Variants in FBXL7 observed in about 807,000 individuals in gnomAD.
FBXL7 encodes the protein F-box/LRR-repeat protein 7.
FBXL7 carries 12 observed loss-of-function variants against 38.3 expected under a neutral mutation model. The ratio of observed to expected loss-of-function variants is 0.31; its 90% confidence interval spans 0.20 to 0.51. The LOEUF (loss-of-function observed/expected upper bound fraction) is 0.51. FBXL7 is among the 20% of genes least tolerant of loss of function. FBXL7 has a pLI of 0.98. For missense variants in FBXL7, 567 were observed against 676.4 expected, an observed-to-expected ratio of 0.84 and a Z score of 1.79; for synonymous variants, 297 against 300.9, an observed-to-expected ratio of 0.99 and a Z score of 0.13.
chr5:15,710,079 C>T (rs545710728), intron 2 of FBXL7, among the ~76,000 whole-genome samples: 1 of 152,180 alleles, frequency 6.6e-6, no homozygotes, highest in Admixed American at 6.5e-5. Context: ...CACTCTTGTC[C>T]CTTTTAGCCT....
chr5:15,927,220 A>G (rs1741898259), intron 2 of FBXL7, among the ~76,000 whole-genome samples: 1 of 152,132 alleles, frequency 6.6e-6, no homozygotes, highest in Non-Finnish European at 1.5e-5. Context: ...TGTTTGTGGT[A>G]GCTTTTGCAC....
intron 2 of FBXL7, among the ~76,000 whole-genome samples, chr5:15,714,505 G>A (rs1743978620): frequency 6.7e-6 from 1 of 150,336 alleles, no homozygotes; most frequent in South Asian, 2.1e-4. Flanking sequence ...AGTGTACAAT[G>A]TGGAATACAC....
intron 2 of FBXL7, among the ~76,000 whole-genome samples, chr5:15,826,077 C>G (rs1738302797): frequency 6.6e-6 from 1 of 152,182 alleles, no homozygotes. Flanking sequence ...CGCTAGGTAA[C>G]AGGCACCAGG....
At chr5:15,667,126 G>A (rs1327419242) in intron 2 of FBXL7, among the ~76,000 whole-genome samples, 3 of 152,184 alleles carry the variant, frequency 2.0e-5, no homozygotes, top group African/African-American at 7.2e-5. Context: ...AATATTGGAA[G>A]TTTAGAAAAT....
intron 2 of FBXL7, among the ~76,000 whole-genome samples, chr5:15,639,206 C>A (rs1465073809): frequency 6.6e-6 from 1 of 152,194 alleles, no homozygotes; most frequent in African/African-American, 2.4e-5. Context: ...ATGTTCAAGA[C>A]TGAGCTGGGG....
intron 2 of FBXL7, among the ~76,000 whole-genome samples, chr5:15,746,869 C>T (rs908307949): frequency 5.9e-5 from 9 of 151,856 alleles, no homozygotes; most frequent in Admixed American, 5.3e-4. Flanking sequence ...TAAATACATA[C>T]TAAATACGAG....
chr5:15,567,008 G>A (rs1404934949), intron 1 of FBXL7, among the ~76,000 whole-genome samples: 4 of 152,124 alleles, frequency 2.6e-5, no homozygotes, highest in Non-Finnish European at 4.4e-5. Flanking sequence ...TCAAAGGGAT[G>A]TGCATCTACT....
chr5:15,565,649 C>T (rs1266348659), intron 1 of FBXL7, among the ~76,000 whole-genome samples: 1 of 151,938 alleles, frequency 6.6e-6, no homozygotes, highest in Non-Finnish European at 1.5e-5. Flanking sequence ...CCAATATCTA[C>T]AGTCAGCAAG....
At chr5:15,640,523 TTTTTTTTTG>T (rs2126555168) in intron 2 of FBXL7, among the ~76,000 whole-genome samples, 1 of 138,782 alleles carries the variant, frequency 7.2e-6, no homozygotes, top group East Asian at 2.1e-4. Context: ...TAGGGCTTTG[TTTTTTTTTG>T]TTTTTTTTTT....
At chr5:15,845,330 A>C (rs1738864285) in intron 2 of FBXL7, among the ~76,000 whole-genome samples, 1 of 152,216 alleles carries the variant, frequency 6.6e-6, no homozygotes, top group South Asian at 2.1e-4. Context: ...TGCATTCAAT[A>C]AGTTCCCATT....
At chr5:15,801,926 G>A (rs551760003) in intron 2 of FBXL7, among the ~76,000 whole-genome samples, 15 of 151,992 alleles carry the variant, frequency 9.9e-5, no homozygotes, top group Admixed American at 2.0e-4. Flanking sequence ...CCATTTCATC[G>A]ATGAAATTCA....
chr5:15,574,412 G>A (rs1738891535), intron 1 of FBXL7, among the ~76,000 whole-genome samples: 1 of 152,168 alleles, frequency 6.6e-6, no homozygotes, highest in Non-Finnish European at 1.5e-5. Context: ...TGAAATAAAT[G>A]CAAATCCTAG....
chr5:15,646,612 T>C (rs1462460343), intron 2 of FBXL7, among the ~76,000 whole-genome samples: 1 of 152,248 alleles, frequency 6.6e-6, no homozygotes, highest in Non-Finnish European at 1.5e-5. Flanking sequence ...TTTGGAGCTT[T>C]GGAATTGCTG....
At chr5:15,744,741 A>T (rs1429895844) in intron 2 of FBXL7, among the ~76,000 whole-genome samples, 1 of 152,214 alleles carries the variant, frequency 6.6e-6, no homozygotes, top group Non-Finnish European at 1.5e-5. Context: ...CATACCCAAG[A>T]CTGAGTGCTT....
At chr5:15,775,901 G>A (rs1736845862) in intron 2 of FBXL7, among the ~76,000 whole-genome samples, 1 of 152,098 alleles carries the variant, frequency 6.6e-6, no homozygotes, top group Non-Finnish European at 1.5e-5. Flanking sequence ...GGACCTACAG[G>A]TACAACTATA....
intron 2 of FBXL7, among the ~76,000 whole-genome samples, chr5:15,788,999 C>T (rs1156659368): frequency 3.9e-5 from 6 of 151,900 alleles, no homozygotes; most frequent in Admixed American, 1.3e-4. Flanking sequence ...TACAGGTGCC[C>T]GCCACCGCGC....
At chr5:15,854,330 AT>A (rs1341814423) in intron 2 of FBXL7, among the ~76,000 whole-genome samples, 1 of 152,230 alleles carries the variant, frequency 6.6e-6, no homozygotes, top group African/African-American at 2.4e-5. Flanking sequence ...GTGAAAAAAA[AT>A]CAAATTCCAA....
At chr5:15,539,039 A>T (rs1737664601) in intron 1 of FBXL7, among the ~76,000 whole-genome samples, 1 of 152,232 alleles carries the variant, frequency 6.6e-6, no homozygotes, top group Admixed American at 6.5e-5. Flanking sequence ...TAGCTTACAG[A>T]ACTAAAATGA....
intron 1 of FBXL7, among the ~76,000 whole-genome samples, chr5:15,573,558 A>G (rs1412767071): frequency 1.3e-5 from 2 of 152,168 alleles, no homozygotes; most frequent in Non-Finnish European, 2.9e-5. Flanking sequence ...GGGAGGCATC[A>G]CTCAGTTTTA....
Sources: allele counts gnomAD v4.1 joint callset (sites outside exome capture counted in the v4.1 genomes callset), GRCh38; gene constraint gnomAD v4.1.1; transcripts MANE v1.5; gene names NCBI Gene and HGNC (gene_info 2026-07-23, HGNC 2026-07-21).